Variants in DPH7 observed in about 807,000 individuals in gnomAD.
The protein encoded by DPH7 is diphthine methyltransferase.
DPH7 carries 44 observed loss-of-function variants against 41.7 expected under a neutral mutation model. That is an observed-to-expected ratio of 1.05 (90% CI 0.83 to 1.36). DPH7 has a LOEUF of 1.36. Among genes scored for constraint, DPH7 ranks in the 40% most tolerant of loss-of-function variants. The probability of loss-of-function intolerance (pLI) is 0.00; values close to 1 mark genes in which losing one functional copy is unlikely to be tolerated. For synonymous variants in DPH7, 275 were observed against 238.0 expected (o/e 1.16, Z -1.43); for missense variants, 629 against 577.5 (o/e 1.09, Z -0.91).
At chr9:137,560,336 C>A (rs564046657) in intron 8 of DPH7, among the ~76,000 whole-genome samples, 2 of 151,992 alleles carry the variant, frequency 1.3e-5, no homozygotes, top group South Asian at 2.1e-4. Flanking sequence ...TAGTCAATTG[C>A]GAGCTGAGAC....
intron 2 of DPH7, chr9:137,576,460 G>C (rs1211008177): frequency 3.0e-6 from 1 of 337,636 alleles, no homozygotes; most frequent in South Asian, 4.7e-5. Flanking sequence ...ACAGGTGGCC[G>C]GGCATGGTGG....
intron 1 of DPH7, among the ~76,000 whole-genome samples, chr9:137,578,306 A>G (rs1201630298): frequency 6.6e-6 from 1 of 152,074 alleles, no homozygotes; most frequent in Admixed American, 6.5e-5. Context: ...CTGGGACTAC[A>G]GGCGCCGCCA....
Position 137,564,899 on chromosome 9 carries a change from G to A in DPH7, c.770C>T (p.Thr257Met), listed in dbSNP as rs1303730566. ...GAGCCTCCTGGGGACTCACCTTCCC[G>A]TGGCCAGGATGTGCTCCCGATGAGG... is the stretch of plus-strand genomic sequence containing the variant. Reference protein sequence around the residue: ...SSPHREHILATGSYDEHILLW... With the variant: ...SSPHREHILAMGSYDEHILLW... Residue 257 changes from threonine (T) to methionine (M), a missense_variant, in exon 7 of 9, where the codon ACG (threonine) becomes ATG (methionine). Coordinates refer to ENST00000277540, the MANE Select transcript of DPH7 (RefSeq NM_138778.5). 6.3e-6 allele frequency: 10 copies of A among 1,594,938 alleles called. No individual in the cohort carries two copies. The highest frequency in any genetic ancestry group is 2.3e-5 in the East Asian group (1 of 43,842).
chr9:137,558,117 CAG>C (rs1319423315), intron 8 of DPH7, among the ~76,000 whole-genome samples: 1 of 151,956 alleles, frequency 6.6e-6, no homozygotes, highest in Non-Finnish European at 1.5e-5. Context: ...GCCTGGGAGA[CAG>C]AGCAAGACTC....
chr9:137,578,430 T>C lies in DPH7; in HGVS notation c.153+195A>G, dbSNP rs936633020. 3.3e-5 allele frequency: 19 copies of C among 573,720 alleles called. No homozygotes were observed. The African/African-American group carries it at 3.6e-4, about 11-fold the overall frequency. 35.5% of individuals were successfully genotyped at this position (573,720 alleles called of 1,614,324 possible). The stretch of plus-strand genomic sequence containing the variant: ...ATCCGTCCGCCTCGGCCTCCCAAAG[T>C]GCTGGGATTACAGGCGTGAGCCACT... On this transcript the variant is annotated intron_variant, in intron 1 of 8. Transcript: ENST00000277540.
chr9:137,558,268 G>A (rs1442801647), intron 8 of DPH7, among the ~76,000 whole-genome samples: 1 of 152,208 alleles, frequency 6.6e-6, no homozygotes, highest in Admixed American at 6.5e-5. Context: ...AGTGGCTCAA[G>A]CCTGTAATCC....
At chr9:137,565,047 C>G (rs1322426824) in intron 6 of DPH7, 38 bp downstream of exon 6, 7 of 1,613,300 alleles carry the variant, frequency 4.3e-6, no homozygotes, top group Non-Finnish European at 5.9e-6. Flanking sequence ...AACGCGGGGG[C>G]TGGTGTGGGC....
intron 1 of DPH7, chr9:137,577,995 C>T (rs1192751141): frequency 3.0e-6 from 3 of 985,216 alleles, no homozygotes; most frequent in Non-Finnish European, 3.6e-6. Flanking sequence ...TTGGGCCACA[C>T]CTGTATATAG....
intron 8 of DPH7, among the ~76,000 whole-genome samples, chr9:137,558,759 A>AC (rs1407365798): frequency 1.3e-5 from 2 of 152,170 alleles, no homozygotes; most frequent in East Asian, 3.9e-4. Flanking sequence ...TTTTTTTGAG[A>AC]CGGAGTGTCA....
At chr9:137,562,815 A>C (rs1838856915) in intron 8 of DPH7, among the ~76,000 whole-genome samples, 1 of 152,000 alleles carries the variant, frequency 6.6e-6, no homozygotes, top group Non-Finnish European at 1.5e-5. Context: ...AAAAATACAA[A>C]AATTAGCCAG....
In DPH7 at chr9:137,555,213, T is replaced by C; in HGVS notation, c.*26A>G. ...CGCAGTCTCCCTCCTGGTTTCCTTG[T>C]GGGAAGGGGCTTCATGATTTCAAGC... On this transcript the variant is annotated 3_prime_UTR_variant, in exon 9 of 9. Coordinates refer to ENST00000277540, the MANE Select transcript of DPH7 (RefSeq NM_138778.5). The C allele has an allele frequency of 1.3e-6, 2 of 1,561,322 alleles. No individual in the cohort carries two copies. The highest frequency in any genetic ancestry group is 1.7e-6 in the Non-Finnish European group (2 of 1,151,602).
At chr9:137,559,474 G>C (rs1838133198) in intron 8 of DPH7, among the ~76,000 whole-genome samples, 1 of 152,210 alleles carries the variant, frequency 6.6e-6, no homozygotes, top group East Asian at 1.9e-4. Flanking sequence ...TGGAGGGCCT[G>C]ACATCAGTCA....
Position 137,556,544 on chromosome 9 carries a change from T to G in DPH7, c.950-896A>C. On this transcript the variant is annotated intron_variant, in intron 8 of 8. Transcript: ENST00000277540. The surrounding 1 kb of genome is among the most constrained non-coding windows in gnomAD (Gnocchi z 5.2). ...CACTGGATTACAAAACGTGCCGAGG[T>G]TGTATGGGCCTGGGCCGGGGAGGCC... 2 of 284,258 alleles carry G rather than the reference T, an allele frequency of 7.0e-6. No homozygotes were observed. Among genetic ancestry groups the G allele is most frequent in the Non-Finnish European group, 1.4e-5 (2 of 142,642 alleles). 17.6% of individuals were successfully genotyped at this position (284,258 alleles called of 1,614,324 possible).
At chr9:137,562,086 G>C (rs948793745) in intron 8 of DPH7, among the ~76,000 whole-genome samples, 1 of 152,110 alleles carries the variant, frequency 6.6e-6, no homozygotes, top group Non-Finnish European at 1.5e-5. Flanking sequence ...GGATGGTCTC[G>C]ATCTCCTGAC....
chr9:137,555,226 C>A lies in DPH7; in HGVS notation c.*13G>T. ...CTGGTTTCCTTGTGGGAAGGGGCTTCATGATTTCAAGCTCAGTTCCCCTCC... is the reference window on the plus strand; with the variant it reads ...CTGGTTTCCTTGTGGGAAGGGGCTTAATGATTTCAAGCTCAGTTCCCCTCC... On this transcript the variant is annotated 3_prime_UTR_variant, in exon 9 of 9. Coordinates refer to ENST00000277540, the MANE Select transcript of DPH7 (RefSeq NM_138778.5). 6.4e-7 allele frequency: 1 copy of A among 1,574,110 alleles called. No homozygotes were observed. The highest frequency in any genetic ancestry group is 1.2e-5 in the South Asian group (1 of 84,978).
At chr9:137,576,049 C>T in intron 3 of DPH7, 31 bp downstream of exon 3, 3 of 1,613,732 alleles carry the variant, frequency 1.9e-6, no homozygotes, top group Non-Finnish European at 1.7e-6. Context: ...CAGGTCCCTT[C>T]TGCCCCACAG....
intron 3 of DPH7, chr9:137,575,645 C>A: frequency 9.9e-7 from 1 of 1,012,674 alleles, no homozygotes; most frequent in Non-Finnish European, 1.2e-6. Flanking sequence ...CAGATGAAGT[C>A]ACTTTGTTAA....
Position 137,578,859 on chromosome 9 carries a change from C to T in DPH7, c.-82G>A. ...CTGGGTACTGCGCGGGGCGGCGAGG[C>T]CGGGGCCGGCCGGACGAGCGCAGAG... On this transcript the variant is annotated 5_prime_UTR_variant, in exon 1 of 9. Transcript: ENST00000277540. The T allele has an allele frequency of 1.5e-6, 2 of 1,297,338 alleles. No individual in the cohort carries two copies. The highest frequency in any genetic ancestry group is 9.9e-7 in the Non-Finnish European group (1 of 1,013,388). 80.4% of individuals were successfully genotyped at this position (1,297,338 alleles called of 1,614,324 possible). A position where few individuals can be genotyped will look rare whatever the true frequency, so the allele number is the denominator to read the frequency against.
At chr9:137,568,922 G>A (rs780583655) in intron 5 of DPH7, among the ~76,000 whole-genome samples, 51 of 152,076 alleles carry the variant, frequency 3.4e-4, no homozygotes, top group Non-Finnish European at 6.6e-4. Context: ...TCAGAGCCCT[G>A]AACAGAAACT....
Sources: allele counts gnomAD v4.1 joint callset (sites outside exome capture counted in the v4.1 genomes callset), GRCh38; gene constraint gnomAD v4.1.1; non-coding constraint Gnocchi (gnomAD v3.1); transcripts MANE v1.5; gene names NCBI Gene and HGNC (gene_info 2026-07-23, HGNC 2026-07-21).